The following PARD3 variants were observed in gnomAD, a reference collection of about 807,000 sequenced individuals.
PARD3 encodes par-3 family cell polarity regulator.
PARD3 carries 75 observed loss-of-function variants against 155.4 expected under a neutral mutation model. The observed-to-expected ratio is 0.48, with a 90% CI of 0.40 to 0.58. The LOEUF (loss-of-function observed/expected upper bound fraction) is 0.58, where lower values mean the gene tolerates loss of function less well. PARD3 is among the 20% of genes least tolerant of loss of function. PARD3 has a pLI of 0.00. For synonymous variants in PARD3, 576 were observed against 610.5 expected, an observed-to-expected ratio of 0.94 and a Z score of 0.83; for missense variants, 1,642 against 1,721.7, an observed-to-expected ratio of 0.95 and a Z score of 0.82.
At chr10:34,284,557 T>C (rs1956298365) in intron 20 of PARD3, among the ~76,000 whole-genome samples, 1 of 152,240 alleles carries the variant, frequency 6.6e-6, no homozygotes, top group African/African-American at 2.4e-5. Context: ...TCTGTAGGAC[T>C]AAGTGCTGAA....
chr10:34,261,781 AAAAGAAAGAAAGAAAGAAAGAAAGAAAG>A lies in PARD3; in HGVS notation c.3419+7848_3419+7875del, dbSNP rs1158080569. ...GAAAGGAAGGAAGGAAGAAAGAAAG[AAAAGAAAGAAAGAAAGAAAGAAAGAAAG>A]AAAGAAAGAAAGAAAGAAACAAACA... On this transcript the variant is annotated intron_variant, in intron 22 of 24. Coordinates refer to ENST00000374788, the MANE Select transcript of PARD3 (RefSeq NM_001184785.2). 1.7e-4 allele frequency among the ~76,000 whole-genome samples: 22 copies of A among 132,054 alleles called. 1 individual carries two copies. The South Asian group carries it at 3.9e-3, about 23-fold the overall frequency. 86.6% of individuals were successfully genotyped at this position (132,054 alleles called of 152,430 possible). A position where few individuals can be genotyped will look rare whatever the true frequency, so the allele number is the denominator to read the frequency against.
intron 2 of PARD3, among the ~76,000 whole-genome samples, chr10:34,568,904 G>A (rs1306161558): frequency 6.6e-6 from 1 of 151,954 alleles, no homozygotes; most frequent in Non-Finnish European, 1.5e-5. Flanking sequence ...TACATTTTCA[G>A]TATATATTAT....
chr10:34,741,678 C>T (rs771065759), intron 1 of PARD3, among the ~76,000 whole-genome samples: 7 of 152,134 alleles, frequency 4.6e-5, no homozygotes, highest in Non-Finnish European at 8.8e-5. Flanking sequence ...CCATGCTGGT[C>T]GGTGCCACTG....
intron 20 of PARD3, among the ~76,000 whole-genome samples, chr10:34,305,831 A>T (rs1121829): frequency 0.53 from 79,879 of 151,862 alleles, 21,094 homozygotes; most frequent in Middle Eastern, 0.59. Context: ...TAAAAAATTT[A>T]AAAAAATAGC....
intron 1 of PARD3, among the ~76,000 whole-genome samples, chr10:34,762,293 AG>A: frequency 1.3e-5 from 1 of 76,048 alleles, no homozygotes; most frequent in East Asian, 9.3e-4. Context: ...AGAGAGACAG[AG>A]AGAGAGAGAG....
chr10:34,275,742 TA>T (rs146765309), intron 21 of PARD3, among the ~76,000 whole-genome samples: 2,982 of 152,252 alleles, frequency 0.02, 45 homozygotes, highest in Non-Finnish European at 0.03. Context: ...CATGACTTCT[TA>T]AGGAAACTTT....
At chr10:34,517,948 G>A (rs138368950) in intron 2 of PARD3, among the ~76,000 whole-genome samples, 1,949 of 152,198 alleles carry the variant, frequency 0.013, 49 homozygotes, top group African/African-American at 0.043. Flanking sequence ...GCACGATTTC[G>A]GCTCACTGCA....
intron 2 of PARD3, among the ~76,000 whole-genome samples, chr10:34,635,818 G>A (rs562607984): frequency 2.0e-5 from 3 of 152,274 alleles, no homozygotes; most frequent in African/African-American, 4.8e-5. Flanking sequence ...TGCTGTGTGA[G>A]TTGATATTAC....
chr10:34,215,572 G>A (rs555321171), intron 22 of PARD3, among the ~76,000 whole-genome samples: 9 of 152,296 alleles, frequency 5.9e-5, no homozygotes, highest in African/African-American at 2.2e-4. Flanking sequence ...TGCATGAACA[G>A]AGCTGACCCA....
chr10:34,761,221 G>A (rs1443683858), intron 1 of PARD3, among the ~76,000 whole-genome samples: 2 of 151,892 alleles, frequency 1.3e-5, no homozygotes, highest in African/African-American at 4.8e-5. Flanking sequence ...GACCAGCCTG[G>A]CCAACATGGT....
intron 20 of PARD3, among the ~76,000 whole-genome samples, chr10:34,286,021 C>T (rs1956370645): frequency 2.0e-5 from 3 of 152,102 alleles, no homozygotes; most frequent in Admixed American, 2.0e-4. Context: ...CCACATTTCA[C>T]AAGGTATAAA....
At chr10:34,638,252 G>T (rs2092553300) in intron 2 of PARD3, among the ~76,000 whole-genome samples, 2 of 152,090 alleles carry the variant, frequency 1.3e-5, no homozygotes, top group African/African-American at 4.8e-5. Flanking sequence ...ATAAGAAACT[G>T]CCATGCTTTC....
Position 34,605,624 on chromosome 10 carries a change from CTA to C in PARD3, c.223-88467_223-88466del, listed in dbSNP as rs1157349132. Among the ~76,000 whole-genome samples, 19 of 24,286 alleles carry C rather than the reference CTA, an allele frequency of 7.8e-4. 2 individuals are homozygous for C. The highest frequency in any genetic ancestry group is 2.9e-3 in the African/African-American group (4 of 1,356). 15.9% of individuals were successfully genotyped at this position (24,286 alleles called of 152,430 possible). On this transcript the variant is annotated intron_variant, in intron 2 of 24. Coordinates refer to ENST00000374788, the MANE Select transcript of PARD3 (RefSeq NM_001184785.2). The stretch of plus-strand genomic sequence containing the variant: ...TATATATCTCCTATATATATATCTC[CTA>C]TATATATATATCTCCTATATATATA...
At chr10:34,460,930 C>T (rs1346168512) in intron 4 of PARD3, among the ~76,000 whole-genome samples, 2 of 152,294 alleles carry the variant, frequency 1.3e-5, no homozygotes, top group East Asian at 3.9e-4. Flanking sequence ...TGTAACATAC[C>T]AAGCATGGCA....
chr10:34,447,480 CAAAAAAAAAAAAAAAAAAAAAAAAAA>C (rs745637071), intron 5 of PARD3, among the ~76,000 whole-genome samples: 17 of 37,196 alleles, frequency 4.6e-4, no homozygotes, highest in African/African-American at 1.3e-3. Context: ...GACTGCGTCT[CAAAAAAAAAAAAAAAAAAAAAAAAAA>C]AAAAAAAAAA....
chr10:34,168,476 T>C (rs1564450033), intron 22 of PARD3, among the ~76,000 whole-genome samples: 1 of 152,198 alleles, frequency 6.6e-6, no homozygotes, highest in Admixed American at 6.6e-5. Context: ...ATGATTTTGA[T>C]GTTAAATATC....
intron 2 of PARD3, among the ~76,000 whole-genome samples, chr10:34,619,758 C>G (rs1413318586): frequency 3.3e-5 from 5 of 152,076 alleles, no homozygotes; most frequent in Admixed American, 3.3e-4. Flanking sequence ...CTTTGAATGT[C>G]CTCTACAATA....
At chr10:34,321,108 AT>A (rs1347223600) in intron 19 of PARD3, among the ~76,000 whole-genome samples, 2 of 152,192 alleles carry the variant, frequency 1.3e-5, no homozygotes, top group Non-Finnish European at 2.9e-5. Context: ...TTTGAAAAAA[AT>A]ATACATATTC....
chr10:34,452,748 AC>A lies in PARD3; in HGVS notation c.583-2301del, dbSNP rs553503759. On this transcript the variant is annotated intron_variant, in intron 4 of 24. Coordinates refer to ENST00000374788, the MANE Select transcript of PARD3 (RefSeq NM_001184785.2). ...TTTAAGCACAAGTCACGAAAACGAA[AC>A]TGTTTCCTGAATTCATGATCTCAGT... is the stretch of plus-strand genomic sequence containing the variant. Among the ~76,000 whole-genome samples, 103 of 152,268 alleles carry A rather than the reference AC, an allele frequency of 6.8e-4. 1 individual carries two copies. In the South Asian group the frequency reaches 7.7e-3, roughly 11 times the overall value.
Sources: allele counts gnomAD v4.1 joint callset (sites outside exome capture counted in the v4.1 genomes callset), GRCh38; gene constraint gnomAD v4.1.1; transcripts MANE v1.5; gene names NCBI Gene and HGNC (gene_info 2026-07-23, HGNC 2026-07-21).